The following CDH2 variants were observed in gnomAD, a reference collection of about 807,000 sequenced individuals.
CDH2 encodes cadherin-2.
In CDH2, 17 loss-of-function variants were observed where a neutral mutation model predicts 92.0. The ratio of observed to expected loss-of-function variants is 0.18; its 90% confidence interval spans 0.13 to 0.28. The LOEUF (loss-of-function observed/expected upper bound fraction) is 0.28, where lower values mean the gene tolerates loss of function less well. Among genes scored for constraint, CDH2 ranks in the 10% least tolerant of loss-of-function variants. The pLI is 1.00. For missense variants in CDH2, 862 were observed against 1,133.1 expected, an observed-to-expected ratio of 0.76 and a Z score of 3.44; for synonymous variants, 419 against 415.9, an observed-to-expected ratio of 1.01 and a Z score of -0.09.
intron 1 of CDH2, among the ~76,000 whole-genome samples, chr18:28,170,858 T>A (rs2016453627): frequency 6.6e-6 from 1 of 151,804 alleles, no homozygotes. Context: ...AAGCAATGCT[T>A]CAATAAATAT....
Position 28,170,377 on chromosome 18 carries a change from G to C in CDH2, c.60+6586C>G, listed in dbSNP as rs936808826. ...AAATTTTATTTTGAGGTGGAGTCTC[G>C]CTCTGTTGCCCAGGCTGGAGTGCAG... On this transcript the variant is annotated intron_variant, in intron 1 of 15. Coordinates refer to ENST00000269141, the MANE Select transcript of CDH2 (RefSeq NM_001792.5). Among the ~76,000 whole-genome samples the C allele has an allele frequency of 8.6e-5, 13 of 151,974 alleles. 1 individual carries two copies. The highest frequency in any genetic ancestry group is 2.9e-5 in the Non-Finnish European group (2 of 68,006).
intron 2 of CDH2, among the ~76,000 whole-genome samples, chr18:28,082,043 C>G (rs769270204): frequency 2.6e-5 from 4 of 152,116 alleles, no homozygotes; most frequent in Non-Finnish European, 5.9e-5. Flanking sequence ...TTGCTATAAA[C>G]TACTGAGAAT....
chr18:28,090,348 T>C (rs1567994389), intron 2 of CDH2, among the ~76,000 whole-genome samples: 3 of 152,196 alleles, frequency 2.0e-5, no homozygotes, highest in Admixed American at 6.5e-5. Flanking sequence ...GATTTGTGTA[T>C]TGGACAATAA....
intron 2 of CDH2, among the ~76,000 whole-genome samples, chr18:28,131,336 G>T (rs2015766418): frequency 2.0e-5 from 3 of 152,050 alleles, no homozygotes; most frequent in Non-Finnish European, 2.9e-5. Context: ...CTGAGTAATT[G>T]TTATACCCCA....
At chr18:28,062,927 C>T (rs1246221757) in intron 2 of CDH2, among the ~76,000 whole-genome samples, 3 of 152,126 alleles carry the variant, frequency 2.0e-5, no homozygotes, top group East Asian at 3.9e-4. Flanking sequence ...GAGCCGAGAT[C>T]ACGCCACTGC....
At chr18:28,035,696 C>T (rs2013808336) in intron 2 of CDH2, among the ~76,000 whole-genome samples, 1 of 152,046 alleles carries the variant, frequency 6.6e-6, no homozygotes, top group Admixed American at 6.6e-5. Flanking sequence ...AAAACCTCTG[C>T]ATTAAAATTT....
At chr18:28,060,541 T>C (rs2014382728) in intron 2 of CDH2, among the ~76,000 whole-genome samples, 1 of 152,162 alleles carries the variant, frequency 6.6e-6, no homozygotes. Flanking sequence ...GCCTATCTAA[T>C]ATAGTTACCC....
intron 11 of CDH2, among the ~76,000 whole-genome samples, chr18:27,986,090 G>A (rs539563620): frequency 6.6e-6 from 1 of 152,120 alleles, no homozygotes; most frequent in Non-Finnish European, 1.5e-5. Context: ...GGCACTGTGA[G>A]GAGTGTTGGA....
chr18:27,984,509 A>C (rs1205899569), intron 13 of CDH2, among the ~76,000 whole-genome samples: 1 of 152,174 alleles, frequency 6.6e-6, no homozygotes. Flanking sequence ...TGTGAAGTAC[A>C]ATCTCTCACT....
chr18:28,093,428 T>C (rs2015071655), intron 2 of CDH2, among the ~76,000 whole-genome samples: 1 of 152,164 alleles, frequency 6.6e-6, no homozygotes, highest in African/African-American at 2.4e-5. Flanking sequence ...GTTTTTAAAA[T>C]TCTGGGAATC....
intron 2 of CDH2, among the ~76,000 whole-genome samples, chr18:28,049,739 C>T (rs1013266994): frequency 2.0e-5 from 3 of 152,242 alleles, no homozygotes; most frequent in Non-Finnish European, 4.4e-5. Flanking sequence ...GACCTAGTCA[C>T]TGCTGTTAGA....
intron 2 of CDH2, among the ~76,000 whole-genome samples, chr18:28,126,094 T>C (rs961896195): frequency 1.4e-4 from 21 of 152,208 alleles, no homozygotes; most frequent in Admixed American, 1.1e-3. Context: ...TAAAAGTTTA[T>C]AGATTATTTA....
chr18:28,143,301 T>G (rs1244254175), intron 2 of CDH2, among the ~76,000 whole-genome samples: 1 of 152,044 alleles, frequency 6.6e-6, no homozygotes, highest in African/African-American at 2.4e-5. Context: ...ACAGTGTGGT[T>G]GTTATTTCAT....
At chr18:27,973,123 C>A (rs887398071) in intron 14 of CDH2, among the ~76,000 whole-genome samples, 8 of 152,076 alleles carry the variant, frequency 5.3e-5, no homozygotes, top group African/African-American at 1.4e-4. Flanking sequence ...GGGTTCTTAC[C>A]CCATCTCAGG....
intron 2 of CDH2, among the ~76,000 whole-genome samples, chr18:28,038,559 T>C (rs1422137778): frequency 6.6e-6 from 1 of 151,876 alleles, no homozygotes; most frequent in Non-Finnish European, 1.5e-5. Context: ...CCAGTTCAAT[T>C]ATAGGAACCA....
chr18:28,059,444 C>A (rs1005112253), intron 2 of CDH2, among the ~76,000 whole-genome samples: 2 of 152,192 alleles, frequency 1.3e-5, no homozygotes, highest in African/African-American at 4.8e-5. Flanking sequence ...GGAGTATACT[C>A]ATGAGACAAG....
intron 2 of CDH2, among the ~76,000 whole-genome samples, chr18:28,077,656 TGAGGCA>T (rs1187950814): frequency 6.6e-6 from 1 of 151,982 alleles, no homozygotes; most frequent in African/African-American, 2.4e-5. Flanking sequence ...TTTGGGAGGC[TGAGGCA>T]GGCGGAACAC....
At chr18:28,083,842 T>A (rs934206819) in intron 2 of CDH2, among the ~76,000 whole-genome samples, 1 of 152,196 alleles carries the variant, frequency 6.6e-6, no homozygotes, top group Non-Finnish European at 1.5e-5. Context: ...TCTAATCCAG[T>A]ATTTTGAGAA....
At chr18:28,072,904 C>T (rs1003016196) in intron 2 of CDH2, among the ~76,000 whole-genome samples, 52 of 152,176 alleles carry the variant, frequency 3.4e-4, no homozygotes, top group African/African-American at 1.2e-3. Context: ...GTTACACACA[C>T]ACCTTTATTG....
Sources: gnomAD v4.1 joint callset for allele counts (sites outside exome capture counted in the v4.1 genomes callset) on GRCh38, gnomAD v4.1.1 for gene constraint, MANE v1.5 for transcripts, NCBI Gene and HGNC (gene_info 2026-07-23, HGNC 2026-07-21) for gene names.